The following GPC6 variants were observed in gnomAD, a reference collection of about 807,000 sequenced individuals.
GPC6 encodes glypican 6, also known as glypican-6.
GPC6 carries 14 observed loss-of-function variants against 55.2 expected under a neutral mutation model. That is an observed-to-expected ratio of 0.25 (90% CI 0.17 to 0.40). The LOEUF (loss-of-function observed/expected upper bound fraction) is 0.40. Ranked by LOEUF, GPC6 falls within the 10% of genes least tolerant of loss-of-function variation. The pLI is 1.00. For missense variants in GPC6, 641 were observed against 708.5 expected, an observed-to-expected ratio of 0.90 and a Z score of 1.08; for synonymous variants, 278 against 259.6, an observed-to-expected ratio of 1.07 and a Z score of -0.68.
chr13:93,939,561 T>C (rs1878619372), intron 3 of GPC6, among the ~76,000 whole-genome samples: 1 of 152,108 alleles, frequency 6.6e-6, no homozygotes, highest in African/African-American at 2.4e-5. Context: ...TTTTTTCAAT[T>C]ATTTATCTCA....
chr13:93,817,047 C>T (rs1438528524), intron 2 of GPC6, among the ~76,000 whole-genome samples: 1 of 152,140 alleles, frequency 6.6e-6, no homozygotes, highest in Non-Finnish European at 1.5e-5. Flanking sequence ...ATTGCATCAG[C>T]ATCAATCCTC....
intron 2 of GPC6, among the ~76,000 whole-genome samples, chr13:93,745,057 A>G (rs188244409): frequency 6.6e-6 from 1 of 152,188 alleles, no homozygotes; most frequent in East Asian, 1.9e-4. Context: ...ATCTGAGCTC[A>G]GGTCAGTCAG....
At chr13:94,377,139 G>A (rs539963400) in intron 6 of GPC6, among the ~76,000 whole-genome samples, 1 of 151,028 alleles carries the variant, frequency 6.6e-6, no homozygotes, top group Non-Finnish European at 1.5e-5. Flanking sequence ...CATAGGCATG[G>A]GCAAGGACTT....
At chr13:94,080,334 CT>C (rs1885057919) in intron 4 of GPC6, among the ~76,000 whole-genome samples, 1 of 152,152 alleles carries the variant, frequency 6.6e-6, no homozygotes. Flanking sequence ...GAAGAAAAAG[CT>C]GATAAGTAAT....
chr13:93,258,399 G>T (rs1179501960), intron 1 of GPC6, among the ~76,000 whole-genome samples: 3 of 152,100 alleles, frequency 2.0e-5, no homozygotes, highest in Non-Finnish European at 4.4e-5. Context: ...GGCTCTCTGT[G>T]CCATAAAGGG....
chr13:93,268,713 G>A (rs951972065), intron 1 of GPC6, among the ~76,000 whole-genome samples: 1 of 152,116 alleles, frequency 6.6e-6, no homozygotes. Context: ...GATTGCCTAA[G>A]GGAAGCCAGA....
At chr13:94,159,395 T>C (rs894619921) in intron 4 of GPC6, among the ~76,000 whole-genome samples, 6 of 152,232 alleles carry the variant, frequency 3.9e-5, no homozygotes, top group Middle Eastern at 3.4e-3. Context: ...TTGGGGAGGC[T>C]TCACAATCAT....
At chr13:93,680,829 T>A (rs995686933) in intron 2 of GPC6, among the ~76,000 whole-genome samples, 2 of 150,360 alleles carry the variant, frequency 1.3e-5, no homozygotes, top group African/African-American at 4.8e-5. Flanking sequence ...TTGGCCTCCC[T>A]TTTTGAGAGT....
chr13:93,611,522 T>C (rs1878460394), intron 2 of GPC6, among the ~76,000 whole-genome samples: 1 of 152,160 alleles, frequency 6.6e-6, no homozygotes, highest in Non-Finnish European at 1.5e-5. Context: ...GGGGACATTT[T>C]TAAATGTTTT....
chr13:94,364,298 T>TGTCA (rs1879193442), intron 6 of GPC6, among the ~76,000 whole-genome samples: 1 of 152,242 alleles, frequency 6.6e-6, no homozygotes, highest in African/African-American at 2.4e-5. Context: ...AGCAAAATTA[T>TGTCA]GTCACCTGGG....
At chr13:93,895,693 G>A (rs979691693) in intron 3 of GPC6, among the ~76,000 whole-genome samples, 1 of 151,956 alleles carries the variant, frequency 6.6e-6, no homozygotes, top group Non-Finnish European at 1.5e-5. Flanking sequence ...AACATGACAT[G>A]CCACTTAATG....
chr13:93,506,643 A>G (rs1469539543), intron 1 of GPC6, among the ~76,000 whole-genome samples: 2 of 152,072 alleles, frequency 1.3e-5, no homozygotes, highest in African/African-American at 4.8e-5. Context: ...TAAGCAGACA[A>G]TTAATGGTTC....
intron 1 of GPC6, among the ~76,000 whole-genome samples, chr13:93,334,971 C>T (rs901245548): frequency 3.3e-5 from 5 of 152,036 alleles, no homozygotes; most frequent in Admixed American, 1.3e-4. Context: ...CATTTGACAC[C>T]TCAAATAAAT....
At chr13:94,079,858 C>T (rs9561495) in intron 4 of GPC6, among the ~76,000 whole-genome samples, 43,073 of 152,090 alleles carry the variant, frequency 0.28, 6,663 homozygotes, top group Middle Eastern at 0.42. Context: ...TTTACTTCCC[C>T]AGCTTGTATC....
In GPC6 at chr13:94,356,432, C is replaced by T. The variant is rs118124991; in HGVS notation, c.1153-25982C>T. Among the ~76,000 whole-genome samples, 1,300 of 151,538 alleles carry T rather than the reference C, an allele frequency of 8.6e-3. 5 individuals carry two copies. Among genetic ancestry groups the T allele is most frequent in the Non-Finnish European group, 0.013 (891 of 68,022 alleles). On this transcript the variant is annotated intron_variant, in intron 6 of 8. Coordinates refer to ENST00000377047, the MANE Select transcript of GPC6 (RefSeq NM_005708.5). ...CATTTGTTGTTGGAATCTTGTAATG[C>T]AAATGTAGGCTCCATAAAGGAAGGG...
At chr13:93,404,937 T>C (rs914111598) in intron 1 of GPC6, among the ~76,000 whole-genome samples, 1 of 152,186 alleles carries the variant, frequency 6.6e-6, no homozygotes, top group Non-Finnish European at 1.5e-5. Flanking sequence ...TACTTGAAGA[T>C]GAGAATAGCA....
intron 1 of GPC6, among the ~76,000 whole-genome samples, chr13:93,401,680 A>G (rs1391096880): frequency 7.8e-6 from 1 of 128,764 alleles, no homozygotes; most frequent in Admixed American, 9.0e-5. Context: ...TGTCTTCTTC[A>G]TGAATGGACT....
chr13:94,237,028 T>C (rs1890899954), intron 4 of GPC6, among the ~76,000 whole-genome samples: 1 of 151,922 alleles, frequency 6.6e-6, no homozygotes, highest in African/African-American at 2.4e-5. Flanking sequence ...GTCATATTGC[T>C]CCAAGAGTAA....
intron 2 of GPC6, among the ~76,000 whole-genome samples, chr13:93,776,915 A>C (rs1003843583): frequency 2.6e-5 from 4 of 152,174 alleles, no homozygotes; most frequent in African/African-American, 9.7e-5. Context: ...ATAATGACAA[A>C]CTATACGGAA....
Sources: allele counts gnomAD v4.1 joint callset (sites outside exome capture counted in the v4.1 genomes callset), GRCh38; gene constraint gnomAD v4.1.1; transcripts MANE v1.5; gene names NCBI Gene and HGNC (gene_info 2026-07-23, HGNC 2026-07-21).